CEP162: variants seen among roughly 807,000 people sequenced by gnomAD.
CEP162 encodes the protein centrosomal protein of 162 kDa.
CEP162 carries 141 observed loss-of-function variants against 169.2 expected under a neutral mutation model. The observed-to-expected ratio is 0.83, with a 90% CI of 0.73 to 0.96. The LOEUF (loss-of-function observed/expected upper bound fraction) is 0.96, where lower values mean the gene tolerates loss of function less well. Among genes scored for constraint, CEP162 ranks in the 40% least tolerant of loss-of-function variants. The pLI, the probability that CEP162 is intolerant of heterozygous loss-of-function variation, is 0.00. For synonymous variants in CEP162, 540 were observed against 526.4 expected (o/e 1.03, Z -0.35); for missense variants, 1,600 against 1,587.2 (o/e 1.01, Z -0.14).
chr6:84,139,295 G>A (rs745687921), intron 25 of CEP162, among the ~76,000 whole-genome samples: 5 of 152,080 alleles, frequency 3.3e-5, no homozygotes, highest in Non-Finnish European at 4.4e-5. Context: ...GCCTAAAAAC[G>A]ACTTTCCTCT....
rs149338816 is a variant in CEP162, at chr6:84,170,322, C to T, written c.2280-889G>A. On this transcript the variant is annotated intron_variant, in intron 17 of 26. Transcript: ENST00000403245. ...CTGGGAGGCAGAGCTTGCAGTGAGCCGAGATTACGCCATTGCACTCCAGCC... is the reference window on the plus strand; with the variant it reads ...CTGGGAGGCAGAGCTTGCAGTGAGCTGAGATTACGCCATTGCACTCCAGCC... Among the ~76,000 whole-genome samples, 522 of 133,046 alleles carry T rather than the reference C, an allele frequency of 3.9e-3. 2 individuals are homozygous for T. Among genetic ancestry groups the T allele is most frequent in the African/African-American group, 0.011 (383 of 34,148 alleles). 87.3% of individuals were successfully genotyped at this position (133,046 alleles called of 152,430 possible).
chr6:84,125,118 C>T lies in CEP162; in HGVS notation c.4164G>A (p.Val1388=). Residue 1388 remains valine, a synonymous_variant, in exon 27 of 27, where the codon GTG becomes GTA. Transcript: ENST00000403245. ...CATCTGCAAAAGCAACTGGCACAAC[C>T]ACTCCTTGCCGGTGCAGCTCTCGGA... ...DVLRELHRQG[V]VVPVAFADEM... is the part of the protein sequence containing the mutation. 6.2e-7 allele frequency: 1 copy of T among 1,613,356 alleles called. No individual in the cohort carries two copies. Among genetic ancestry groups the T allele is most frequent in the Non-Finnish European group, 8.5e-7 (1 of 1,179,614 alleles).
chr6:84,184,878 C>T (rs1344505705), intron 13 of CEP162, among the ~76,000 whole-genome samples: 1 of 151,818 alleles, frequency 6.6e-6, no homozygotes, highest in Non-Finnish European at 1.5e-5. Context: ...AAATTAAACT[C>T]CCAGTTTTCC....
chr6:84,208,382 T>G (rs1197604199), intron 6 of CEP162, among the ~76,000 whole-genome samples: 5 of 152,322 alleles, frequency 3.3e-5, no homozygotes, highest in Non-Finnish European at 7.3e-5. Context: ...GAAACAAACA[T>G]GATCTAATTT....
intron 18 of CEP162, among the ~76,000 whole-genome samples, chr6:84,165,316 T>C (rs539874077): frequency 6.6e-6 from 1 of 152,028 alleles, no homozygotes; most frequent in Non-Finnish European, 1.5e-5. Context: ...AAAAAATGCT[T>C]GGGACATCAA....
At chr6:84,150,467 G>A (rs1481501681) in intron 23 of CEP162, among the ~76,000 whole-genome samples, 1 of 151,910 alleles carries the variant, frequency 6.6e-6, no homozygotes, top group Non-Finnish European at 1.5e-5. Context: ...TTTATCCATT[G>A]CTTATTTCAC....
intron 26 of CEP162, among the ~76,000 whole-genome samples, chr6:84,126,127 C>T (rs1407236374): frequency 6.6e-6 from 1 of 151,998 alleles, no homozygotes; most frequent in East Asian, 1.9e-4. Context: ...TTTTAGGAAT[C>T]CATCAATAAT....
intron 3 of CEP162, chr6:84,219,244 T>C (rs1414579970): frequency 3.1e-6 from 3 of 953,106 alleles, no homozygotes; most frequent in South Asian, 2.7e-5. Context: ...ACAAACTCAG[T>C]AACCGTTTGC....
intron 25 of CEP162, among the ~76,000 whole-genome samples, chr6:84,129,656 T>C (rs995307641): frequency 9.9e-5 from 15 of 152,188 alleles, no homozygotes; most frequent in Non-Finnish European, 1.6e-4. Context: ...CGGTTTTTGC[T>C]GTGCAGAAGC....
intron 12 of CEP162, among the ~76,000 whole-genome samples, chr6:84,185,807 C>T (rs1032317736): frequency 7.9e-5 from 12 of 151,980 alleles, no homozygotes; most frequent in African/African-American, 2.9e-4. Flanking sequence ...TTATTAATAC[C>T]TTGCCTTATT....
rs557300368 is a variant in CEP162, at chr6:84,151,253, A to T, written c.3629+1292T>A. Among the ~76,000 whole-genome samples the T allele has an allele frequency of 9.2e-5, 14 of 152,170 alleles. No individual in the cohort carries two copies. The South Asian group carries it at 2.9e-3, about 32-fold the overall frequency. ...TATGAGTATTTAAAGAATATTAATG[A>T]TTTTTAAGCAAGATGACTGGGGAAG... On this transcript the variant is annotated intron_variant, in intron 23 of 26. Coordinates refer to ENST00000403245, the MANE Select transcript of CEP162 (RefSeq NM_014895.4).
At chr6:84,193,806 A>G (rs547945601) in intron 10 of CEP162, 116 bp from the exon 11 acceptor site, 2 of 538,362 alleles carry the variant, frequency 3.7e-6, no homozygotes, top group East Asian at 6.5e-5. Context: ...CGGTACATGC[A>G]ATAAACCTAG....
rs369514240 is a variant in CEP162 at position 84,221,100 on chromosome 6, A to T, written c.129T>A (p.Asp43Glu). ...CTTCAGTTATCCACCAAGGCACTGT[A>T]TCTTTCTTCTTCATCTCTTTTTTAG... Reference protein sequence around the residue: ...RQSKKEMKKKDTVPWWITEDD... With the variant: ...RQSKKEMKKKETVPWWITEDD... The change falls in exon 3 of 27, where the codon GAT (aspartate) becomes GAA (glutamate). Residue 43 changes from aspartate to glutamate, a missense_variant. By Grantham distance (45) the Asp-to-Glu change is conservative (BLOSUM62 2). Transcript: ENST00000403245. 3.1e-6 allele frequency: 5 copies of T among 1,603,028 alleles called. No individual in the cohort carries two copies. In the Admixed American group the frequency reaches 8.4e-5, roughly 27 times the overall value.
At position 84,212,999 on chromosome 6, in the gene CEP162, CAGTT is replaced by C; in HGVS notation, c.525_528del (p.Thr176MetfsTer30). On this transcript the variant is annotated frameshift_variant, in exon 6 of 27. Transcript: ENST00000403245. LOFTEE classifies it high-confidence loss of function. ...TTCGATTCATTCTCATGTTCGTCAT[CAGTT>C]AGTTCTGCGTTGGCTTGATTACTGG... The C allele has an allele frequency of 1.3e-6, 2 of 1,554,612 alleles. No homozygotes were observed. The highest frequency in any genetic ancestry group is 1.7e-6 in the Non-Finnish European group (2 of 1,146,734).
intron 7 of CEP162, among the ~76,000 whole-genome samples, chr6:84,202,227 G>A (rs935473389): frequency 6.6e-6 from 1 of 152,092 alleles, no homozygotes; most frequent in African/African-American, 2.4e-5. Flanking sequence ...ACAACTTTCA[G>A]AAAGACAGGC....
chr6:84,202,518 C>CTTTTTTTTTTTTTTTTTTTTTTTTT (rs70987776), intron 7 of CEP162, among the ~76,000 whole-genome samples: 56 of 90,738 alleles, frequency 6.2e-4, no homozygotes, highest in East Asian at 1.5e-3. Flanking sequence ...TTCTTTCTTT[C>CTTTTTTTTTTTTTTTTTTTTTTTTT]TTTTTTTTTT....
At chr6:84,199,988 C>T (rs758875479) in intron 9 of CEP162, among the ~76,000 whole-genome samples, 3 of 152,174 alleles carry the variant, frequency 2.0e-5, no homozygotes, top group Non-Finnish European at 2.9e-5. Flanking sequence ...TGGTGGCTCA[C>T]GCCTGCAATC....
chr6:84,187,580 CA>C (rs1168592272), intron 11 of CEP162, among the ~76,000 whole-genome samples: 1 of 152,072 alleles, frequency 6.6e-6, no homozygotes, highest in East Asian at 1.9e-4. Context: ...TAGATGGGAC[CA>C]TTTACTAGTT....
intron 3 of CEP162, chr6:84,219,143 G>C: frequency 7.8e-7 from 1 of 1,283,100 alleles, no homozygotes. Flanking sequence ...CTCAAGAGGA[G>C]TGTTGAATTC....
Sources: allele counts gnomAD v4.1 joint callset (sites outside exome capture counted in the v4.1 genomes callset), GRCh38; gene constraint gnomAD v4.1.1; transcripts MANE v1.5; gene names NCBI Gene and HGNC (gene_info 2026-07-23, HGNC 2026-07-21).